The following RBMS3 variants were observed in gnomAD, a reference collection of about 807,000 sequenced individuals.
RBMS3 encodes RNA-binding motif, single-stranded-interacting protein 3.
A neutral mutation model predicts 66.8 loss-of-function variants in RBMS3; 27 were observed. That is an observed-to-expected ratio of 0.40 (90% CI 0.30 to 0.56). RBMS3 has a LOEUF of 0.56. Ranked by LOEUF, RBMS3 falls within the 20% of genes least tolerant of loss-of-function variation. The pLI is 0.40. For synonymous variants in RBMS3, 188 were observed against 183.0 expected (o/e 1.03, Z -0.22); for missense variants, 513 against 549.5 (o/e 0.93, Z 0.66).
At chr3:29,668,149 G>A (rs747668499) in intron 4 of RBMS3, among the ~76,000 whole-genome samples, 4 of 152,184 alleles carry the variant, frequency 2.6e-5, no homozygotes, top group South Asian at 2.1e-4. Flanking sequence ...TTCAGACTAA[G>A]AGCCTTTAAT....
intron 8 of RBMS3, among the ~76,000 whole-genome samples, chr3:29,894,851 A>G (rs1201412968): frequency 6.6e-6 from 1 of 151,614 alleles, no homozygotes; most frequent in Non-Finnish European, 1.5e-5. Context: ...CCAGAAATGA[A>G]GAAGAGACAG....
chr3:29,888,138 C>T (rs1175143678), intron 8 of RBMS3, among the ~76,000 whole-genome samples: 1 of 151,640 alleles, frequency 6.6e-6, no homozygotes, highest in Non-Finnish European at 1.5e-5. Context: ...CTTATATTAA[C>T]AATATAACAT....
At chr3:29,746,185 CCAT>C (rs1245312641) in intron 5 of RBMS3, among the ~76,000 whole-genome samples, 6 of 151,986 alleles carry the variant, frequency 3.9e-5, no homozygotes, top group African/African-American at 1.5e-4. Context: ...TTTAAAATGC[CCAT>C]CAAGTCTATC....
chr3:30,003,555 T>C (rs1307801163), intron 14 of RBMS3, among the ~76,000 whole-genome samples: 1 of 152,036 alleles, frequency 6.6e-6, no homozygotes, highest in Non-Finnish European at 1.5e-5. Context: ...CTGGAATTAG[T>C]GATGATTCCT....
At chr3:29,516,155 T>G (rs1442417809) in intron 3 of RBMS3, among the ~76,000 whole-genome samples, 1 of 152,208 alleles carries the variant, frequency 6.6e-6, no homozygotes, top group Non-Finnish European at 1.5e-5. Flanking sequence ...TACTGTTGTT[T>G]CTGACTTTGG....
chr3:29,847,531 G>A (rs77378699), intron 6 of RBMS3, among the ~76,000 whole-genome samples: 2,524 of 152,186 alleles, frequency 0.017, 69 homozygotes, highest in African/African-American at 0.058. Flanking sequence ...GTAAAGTGAA[G>A]TATCAATAAC....
chr3:29,997,090 C>A (rs1002947998), intron 14 of RBMS3, among the ~76,000 whole-genome samples: 47 of 151,332 alleles, frequency 3.1e-4, no homozygotes, highest in Non-Finnish European at 6.0e-4. Context: ...GGGGATATCA[C>A]CACCGATCCC....
intron 6 of RBMS3, among the ~76,000 whole-genome samples, chr3:29,799,982 G>A (rs184463249): frequency 6.6e-6 from 1 of 152,198 alleles, no homozygotes; most frequent in South Asian, 2.1e-4. Flanking sequence ...AAGATTTATC[G>A]TCACTGTTTG....
intron 4 of RBMS3, among the ~76,000 whole-genome samples, chr3:29,716,315 G>C (rs1041316287): frequency 6.6e-6 from 1 of 152,142 alleles, no homozygotes; most frequent in Non-Finnish European, 1.5e-5. Context: ...CCATACAATG[G>C]TGTTGAGAAG....
intron 4 of RBMS3, among the ~76,000 whole-genome samples, chr3:29,636,784 C>T (rs945836309): frequency 7.2e-5 from 11 of 151,786 alleles, no homozygotes; most frequent in Admixed American, 1.3e-4. Flanking sequence ...TCATGGGAGG[C>T]GGTTTTCCAA....
At chr3:29,868,001 A>T (rs78001957) in intron 6 of RBMS3, among the ~76,000 whole-genome samples, 2,469 of 152,150 alleles carry the variant, frequency 0.016, 64 homozygotes, top group African/African-American at 0.057. Flanking sequence ...TCATTTAAAA[A>T]TATATTTATT....
Position 29,556,852 on chromosome 3 carries a change from C to T in RBMS3, c.308-30262C>T, listed in dbSNP as rs184202457. 5.1e-4 allele frequency among the ~76,000 whole-genome samples: 77 copies of T among 152,192 alleles called. 1 individual carries two copies. The East Asian group carries it at 0.011, about 22-fold the overall frequency. On this transcript the variant is annotated intron_variant, in intron 3 of 14. Coordinates refer to ENST00000383767, the MANE Select transcript of RBMS3 (RefSeq NM_001003793.3). ...AGAAGTCCAAGCATCTCTTTCTTTC[C>T]CAGCAGTGGCTCATAATGACTGTCT... is the stretch of plus-strand genomic sequence containing the variant.
chr3:29,977,611 G>T (rs985151125), intron 12 of RBMS3, among the ~76,000 whole-genome samples: 5 of 152,026 alleles, frequency 3.3e-5, no homozygotes, highest in African/African-American at 1.2e-4. Flanking sequence ...TTATTCTGTG[G>T]GTTTGAAAAT....
intron 3 of RBMS3, among the ~76,000 whole-genome samples, chr3:29,554,042 G>A (rs1576209491): frequency 6.6e-6 from 1 of 151,996 alleles, no homozygotes; most frequent in African/African-American, 2.4e-5. Flanking sequence ...GAAAAATAAG[G>A]GGACTTTTAA....
Position 29,762,994 on chromosome 3 carries a change from G to T in RBMS3, c.637+5G>T. On this transcript the variant is annotated splice_donor_5th_base_variant and intron_variant, in intron 6 of 14. Transcript: ENST00000383767. ...AAACACCACCAGGCATCCCAGGTAAGAAATTCACTAATAAGTGACTGAATG... is the reference window on the plus strand; with the variant it reads ...AAACACCACCAGGCATCCCAGGTAATAAATTCACTAATAAGTGACTGAATG... The T allele has an allele frequency of 6.3e-7, 1 of 1,581,670 alleles. No individual in the cohort carries two copies. The highest frequency in any genetic ancestry group is 8.7e-7 in the Non-Finnish European group (1 of 1,153,410).
chr3:29,912,520 A>G (rs1324313033), intron 10 of RBMS3, among the ~76,000 whole-genome samples: 1 of 152,094 alleles, frequency 6.6e-6, no homozygotes, highest in East Asian at 1.9e-4. Context: ...TAGTATTCTA[A>G]TTCCTTTTCA....
intron 1 of RBMS3, among the ~76,000 whole-genome samples, chr3:29,370,425 G>A (rs922964301): frequency 1.1e-4 from 17 of 152,152 alleles, no homozygotes; most frequent in African/African-American, 4.1e-4. Flanking sequence ...TTGATAATGT[G>A]TGGAACTTTT....
intron 10 of RBMS3, among the ~76,000 whole-genome samples, chr3:29,904,097 G>A (rs1451495055): frequency 6.6e-6 from 1 of 151,864 alleles, no homozygotes; most frequent in African/African-American, 2.4e-5. Flanking sequence ...CCTAATTACT[G>A]TAGAAAATAG....
At chr3:29,932,818 C>T (rs1446783411) in intron 10 of RBMS3, among the ~76,000 whole-genome samples, 3 of 152,170 alleles carry the variant, frequency 2.0e-5, no homozygotes, top group Admixed American at 1.3e-4. Flanking sequence ...TTACGCCACA[C>T]ATGATGATCT....
Sources: gnomAD v4.1 joint callset for allele counts (sites outside exome capture counted in the v4.1 genomes callset) on GRCh38, gnomAD v4.1.1 for gene constraint, MANE v1.5 for transcripts, NCBI Gene and HGNC (gene_info 2026-07-23, HGNC 2026-07-21) for gene names.